Variants in KIZ observed in about 807,000 individuals in gnomAD.
KIZ encodes the protein centrosomal protein kizuna.
Under a neutral mutation model 79.6 loss-of-function variants are expected in KIZ, and 68 were observed. That is an observed-to-expected ratio of 0.85 (90% confidence interval 0.70 to 1.05). The LOEUF is 1.05. KIZ is among the 50% of genes least tolerant of loss of function. The probability of loss-of-function intolerance (pLI) is 0.00; values close to 1 mark genes in which losing one functional copy is unlikely to be tolerated. For missense variants in KIZ, 797 were observed against 800.4 expected (o/e 1.00, Z 0.05); for synonymous variants, 280 against 281.8 (o/e 0.99, Z 0.06).
chr20:21,182,512 A>C (rs940433429), intron 6 of KIZ, among the ~76,000 whole-genome samples: 1 of 151,960 alleles, frequency 6.6e-6, no homozygotes, highest in African/African-American at 2.4e-5. Context: ...ACCAAATAGT[A>C]AGGCCAGGCG....
intron 7 of KIZ, among the ~76,000 whole-genome samples, chr20:21,210,381 G>GT (rs879808535): frequency 0.01 from 1,493 of 148,266 alleles, 37 homozygotes; most frequent in African/African-American, 0.035. Flanking sequence ...ACATAACCTT[G>GT]TTTTTTTTTT....
chr20:21,176,315 A>G (rs371979761), intron 6 of KIZ, among the ~76,000 whole-genome samples: 11 of 152,034 alleles, frequency 7.2e-5, no homozygotes, highest in African/African-American at 2.4e-4. Context: ...GTCTCAAATC[A>G]GTCAATCAAT....
intron 6 of KIZ, among the ~76,000 whole-genome samples, chr20:21,165,857 G>T (rs2033904806): frequency 6.6e-6 from 1 of 152,246 alleles, no homozygotes; most frequent in Admixed American, 6.5e-5. Flanking sequence ...TGAAGCCAGT[G>T]GCACAACCTC....
At chr20:21,158,326 G>T (rs2033483587) in intron 4 of KIZ, 1 of 152,146 alleles carries the variant, frequency 6.6e-6, no homozygotes, top group Non-Finnish European at 1.5e-5. Flanking sequence ...GGCCTCTTTG[G>T]ATGGTGAAAT....
At chr20:21,160,622 A>G (rs1019875194) in intron 4 of KIZ, among the ~76,000 whole-genome samples, 1 of 152,146 alleles carries the variant, frequency 6.6e-6, no homozygotes, top group Non-Finnish European at 1.5e-5. Flanking sequence ...CCATCTTAAA[A>G]ATCCTAAATT....
At chr20:21,235,221 C>G (rs2036966080) in intron 11 of KIZ, among the ~76,000 whole-genome samples, 1 of 152,160 alleles carries the variant, frequency 6.6e-6, no homozygotes, top group South Asian at 2.1e-4. Context: ...TATACATGCT[C>G]ATTTCATTGT....
At chr20:21,149,549 A>T (rs919350320) in intron 4 of KIZ, among the ~76,000 whole-genome samples, 1 of 152,230 alleles carries the variant, frequency 6.6e-6, no homozygotes, top group Non-Finnish European at 1.5e-5. Context: ...GTATGCAGGG[A>T]TGAGCTCTGC....
At chr20:21,192,850 C>T (rs1454114597) in intron 6 of KIZ, among the ~76,000 whole-genome samples, 4 of 152,122 alleles carry the variant, frequency 2.6e-5, no homozygotes, top group Non-Finnish European at 5.9e-5. Flanking sequence ...GGGACAAAGT[C>T]TGTGTGGCCT....
chr20:21,141,358 A>G (rs375303330), intron 3 of KIZ, among the ~76,000 whole-genome samples: 3 of 152,170 alleles, frequency 2.0e-5, no homozygotes, highest in Non-Finnish European at 4.4e-5. Flanking sequence ...CCTGGCGCCA[A>G]ATCCTACAGG....
intron 6 of KIZ, among the ~76,000 whole-genome samples, chr20:21,204,436 TCC>T (rs1476519237): frequency 6.6e-6 from 1 of 152,066 alleles, no homozygotes; most frequent in Admixed American, 6.5e-5. Flanking sequence ...TAAGGCTGAA[TCC>T]AAAGGTTTAT....
intron 6 of KIZ, among the ~76,000 whole-genome samples, chr20:21,165,574 G>C (rs546064310): frequency 5.4e-4 from 83 of 152,336 alleles, no homozygotes; most frequent in Non-Finnish European, 1.1e-3. Flanking sequence ...GACAGCATTA[G>C]TTCATTAGGA....
Position 21,214,402 on chromosome 20 carries a change from T to G in KIZ, c.1447-133T>G, listed in dbSNP as rs1177427037. On this transcript the variant is annotated intron_variant, in intron 7 of 12. Coordinates refer to ENST00000619189, the MANE Select transcript of KIZ (RefSeq NM_018474.6). ...TTTTTTCTTGACATTTTAATTTCAT[T>G]TAAATGTGGGAAACAGATTAAATCC... 8.3e-6 allele frequency: 5 copies of G among 604,522 alleles called. No individual in the cohort carries two copies. In the Admixed American group the frequency reaches 9.3e-5, roughly 11 times the overall value. The allele number at this position is 604,522 out of a possible 1,614,324, so 37.4% of individuals were successfully genotyped here. A position where few individuals can be genotyped will look rare whatever the true frequency, so the allele number is the denominator to read the frequency against.
chr20:21,162,498 G>T lies in KIZ; in HGVS notation c.1033G>T (p.Gly345Cys). Residue 345 changes from glycine (G) to cysteine (C), a missense_variant, in exon 5 of 13, where the codon GGT becomes TGT. Transcript: ENST00000619189. ...WSQEKHSPWE[G>C]VSDHLAHREP... Reference sequence around the variant, plus strand: ...TCAAGAGAAGCATTCTCCTTGGGAAGGTGTTTCAGGTGGGATGAGAGGCTG... The same window carrying T: ...TCAAGAGAAGCATTCTCCTTGGGAATGTGTTTCAGGTGGGATGAGAGGCTG... 1.2e-6 allele frequency: 2 copies of T among 1,609,766 alleles called. No homozygotes were observed. The highest frequency in any genetic ancestry group is 1.7e-6 in the Non-Finnish European group (2 of 1,177,424).
At chr20:21,211,962 G>A (rs1050031108) in intron 7 of KIZ, among the ~76,000 whole-genome samples, 2 of 152,238 alleles carry the variant, frequency 1.3e-5, no homozygotes, top group African/African-American at 2.4e-5. Flanking sequence ...GGTGACACAC[G>A]CCTGTAATCC....
At chr20:21,216,690 A>AT (rs1199113516) in intron 9 of KIZ, among the ~76,000 whole-genome samples, 1 of 152,224 alleles carries the variant, frequency 6.6e-6, no homozygotes, top group Non-Finnish European at 1.5e-5. Context: ...AGAAATGTAG[A>AT]TGATCCCAAA....
At chr20:21,157,128 A>G (rs181129506) in intron 4 of KIZ, among the ~76,000 whole-genome samples, 67 of 152,250 alleles carry the variant, frequency 4.4e-4, no homozygotes, top group African/African-American at 1.5e-3. Flanking sequence ...TGTCAAAATA[A>G]AAAGTTACTG....
chr20:21,215,809 T>C (rs762813940), intron 9 of KIZ, among the ~76,000 whole-genome samples, 161 bp downstream of exon 9: 1 of 152,206 alleles, frequency 6.6e-6, no homozygotes, highest in Admixed American at 6.5e-5. Flanking sequence ...ACATATATAC[T>C]TATGTTAACA....
intron 11 of KIZ, among the ~76,000 whole-genome samples, chr20:21,238,180 T>A (rs2037087231): frequency 6.6e-6 from 1 of 151,824 alleles, no homozygotes; most frequent in Admixed American, 6.6e-5. Context: ...CCTGAGTGAG[T>A]AAGCATGGAT....
At chr20:21,170,453 A>G (rs1021384560) in intron 6 of KIZ, among the ~76,000 whole-genome samples, 2 of 149,712 alleles carry the variant, frequency 1.3e-5, no homozygotes, top group South Asian at 4.2e-4. Flanking sequence ...CAGTGGCACG[A>G]TCTCAGCTCA....
Sources: allele counts gnomAD v4.1 joint callset (sites outside exome capture counted in the v4.1 genomes callset), GRCh38; gene constraint gnomAD v4.1.1; transcripts MANE v1.5; gene names NCBI Gene and HGNC (gene_info 2026-07-23, HGNC 2026-07-21).